The following PDIA5 variants were observed in gnomAD, a reference collection of about 807,000 sequenced individuals.
PDIA5 encodes protein disulfide-isomerase A5.
PDIA5 carries 58 observed loss-of-function variants against 77.6 expected under a neutral mutation model. The ratio of observed to expected loss-of-function variants is 0.75; its 90% CI spans 0.61 to 0.93. PDIA5 has a LOEUF of 0.93. PDIA5 is among the 40% of genes least tolerant of loss of function. PDIA5 has a pLI of 0.00. For synonymous variants in PDIA5, 250 were observed against 252.1 expected, an observed-to-expected ratio of 0.99 and a Z score of 0.08; for missense variants, 630 against 647.7, an observed-to-expected ratio of 0.97 and a Z score of 0.30.
rs1934995108 is a variant in PDIA5, at chr3:123,116,227, C to T, written c.542-4C>T. 1.9e-6 allele frequency: 3 copies of T among 1,613,684 alleles called. No homozygotes were observed. The highest frequency in any genetic ancestry group is 1.7e-6 in the Non-Finnish European group (2 of 1,179,660). On this transcript the variant is annotated splice_region_variant and splice_polypyrimidine_tract_variant and intron_variant, in intron 7 of 16. Transcript: ENST00000316218. ...GATGTGGTCTCTCTCCTGCCTGTGA[C>T]CAGGGTGCAGCATGTGCAAGAGGAT...
In PDIA5 at chr3:123,074,695, C is replaced by T. The variant is rs557736406; in HGVS notation, c.42+7489C>T. Among the ~76,000 whole-genome samples, 8 of 152,238 alleles carry T rather than the reference C, an allele frequency of 5.3e-5. No homozygotes were observed. In the East Asian group the frequency reaches 1.5e-3, roughly 29 times the overall value. On this transcript the variant is annotated intron_variant, in intron 1 of 16. Coordinates refer to ENST00000316218, the MANE Select transcript of PDIA5 (RefSeq NM_006810.4). Reference sequence around the variant, plus strand: ...GTCACAGACACTGCTACCCTAATTACTACTGTAATTTGTTATCTACATTCA... The same window carrying T: ...GTCACAGACACTGCTACCCTAATTATTACTGTAATTTGTTATCTACATTCA...
intron 14 of PDIA5, among the ~76,000 whole-genome samples, chr3:123,152,617 CA>C (rs1470575661): frequency 1.6e-4 from 24 of 152,234 alleles, no homozygotes; most frequent in African/African-American, 5.1e-4. Context: ...ATAGTAAAGT[CA>C]AATGCCTGAT....
chr3:123,134,169 G>A (rs1935436416), intron 11 of PDIA5, among the ~76,000 whole-genome samples: 1 of 152,102 alleles, frequency 6.6e-6, no homozygotes, highest in Admixed American at 6.5e-5. Context: ...GACTACAGGT[G>A]CACACCGCCA....
rs1174692027 is a variant in PDIA5, at chr3:123,151,995, G to GCCTTCCTT, written c.1273+1647_1273+1654dup. ...TTCCTGCCTTCCTTCCTGCCTTCCT[G>GCCTTCCTT]CCTTCCTTCCTTCCTTCCTTCCTGC... On this transcript the variant is annotated intron_variant, in intron 14 of 16. Transcript: ENST00000316218. 4.6e-3 allele frequency among the ~76,000 whole-genome samples: 300 copies of GCCTTCCTT among 65,704 alleles called. 23 individuals are homozygous for GCCTTCCTT. The highest frequency in any genetic ancestry group is 0.023 in the African/African-American group (255 of 11,152). The allele number at this position is 65,704 out of a possible 152,430, so 43.1% of individuals were successfully genotyped here.
At chr3:123,141,252 G>A (rs1348572587) in intron 11 of PDIA5, among the ~76,000 whole-genome samples, 2 of 152,152 alleles carry the variant, frequency 1.3e-5, no homozygotes, top group African/African-American at 4.8e-5. Context: ...GCCAGCAGCT[G>A]GCCTAACAGC....
At position 123,067,894 on chromosome 3, in the gene PDIA5, G is replaced by A. The variant is rs117265421; in HGVS notation, c.42+688G>A. On this transcript the variant is annotated intron_variant, in intron 1 of 16. Transcript: ENST00000316218. The stretch of plus-strand genomic sequence containing the variant: ...AAGGCAAAGCTACCCCCATAGGGTG[G>A]TTCTGAGAGTCGGATGAGGTCTCAG... 5.9e-5 allele frequency among the ~76,000 whole-genome samples: 9 copies of A among 152,364 alleles called. No homozygotes were observed. The East Asian group carries it at 1.5e-3, about 26-fold the overall frequency.
intron 5 of PDIA5, among the ~76,000 whole-genome samples, chr3:123,104,520 C>T (rs907909963): frequency 2.6e-5 from 4 of 152,242 alleles, no homozygotes; most frequent in African/African-American, 9.6e-5. Context: ...TTTTTGTCAA[C>T]CCGCATGGTT....
chr3:123,116,982 G>A (rs1052489705), intron 8 of PDIA5, among the ~76,000 whole-genome samples: 11 of 151,816 alleles, frequency 7.2e-5, no homozygotes, highest in African/African-American at 2.7e-4. Context: ...AGCTGGGATG[G>A]GGCGGGGAGG....
intron 5 of PDIA5, 128 bp from the exon 6 acceptor site, chr3:123,106,621 T>C: frequency 1.5e-6 from 1 of 684,396 alleles, no homozygotes; most frequent in Non-Finnish European, 2.6e-6. Flanking sequence ...TTATGCCACA[T>C]GCAGTCCTGA....
intron 6 of PDIA5, among the ~76,000 whole-genome samples, chr3:123,108,967 A>C (rs1934804465): frequency 6.6e-6 from 1 of 152,142 alleles, no homozygotes; most frequent in South Asian, 2.1e-4. Flanking sequence ...TGGAAATACA[A>C]ACAGCCTAAA....
intron 1 of PDIA5, among the ~76,000 whole-genome samples, chr3:123,072,615 AG>A (rs1024010488): frequency 1.3e-5 from 2 of 152,196 alleles, no homozygotes; most frequent in South Asian, 2.1e-4. Context: ...GATCCCAGGT[AG>A]GGGGGGTGGT....
chr3:123,073,703 A>T (rs936362267), intron 1 of PDIA5, among the ~76,000 whole-genome samples: 1 of 152,190 alleles, frequency 6.6e-6, no homozygotes. Context: ...TTCCATTCCT[A>T]GATGGTGTGA....
chr3:123,114,793 C>G (rs935982691), intron 7 of PDIA5, among the ~76,000 whole-genome samples: 1 of 152,194 alleles, frequency 6.6e-6, no homozygotes, highest in Non-Finnish European at 1.5e-5. Flanking sequence ...AGGGCAGATT[C>G]GGCGGGCTCG....
intron 11 of PDIA5, among the ~76,000 whole-genome samples, chr3:123,132,766 T>G (rs1296060189): frequency 2.0e-5 from 3 of 152,184 alleles, no homozygotes; most frequent in African/African-American, 7.2e-5. Flanking sequence ...CTTGCACCCC[T>G]GTCCCAGCCG....
At chr3:123,134,597 T>G (rs1935447699) in intron 11 of PDIA5, among the ~76,000 whole-genome samples, 1 of 152,226 alleles carries the variant, frequency 6.6e-6, no homozygotes, top group South Asian at 2.1e-4. Context: ...CCACCTCATC[T>G]GCCCCCATCT....
intron 5 of PDIA5, among the ~76,000 whole-genome samples, chr3:123,105,232 TGTTTTCACATGA>T (rs1934697481): frequency 6.6e-6 from 1 of 152,160 alleles, no homozygotes; most frequent in Admixed American, 6.5e-5. Context: ...TCAAAGTCAA[TGTTTTCACATGA>T]GTCTGGGGCT....
intron 2 of PDIA5, among the ~76,000 whole-genome samples, chr3:123,091,304 AGGC>A: frequency 6.6e-6 from 1 of 152,290 alleles, no homozygotes; most frequent in Middle Eastern, 3.4e-3. Flanking sequence ...CGATCTGCGG[AGGC>A]ACATAATTCA....
chr3:123,154,832 C>T, intron 14 of PDIA5, 139 bp from the exon 15 acceptor site: 1 of 683,948 alleles, frequency 1.5e-6, no homozygotes, highest in South Asian at 1.6e-5. Flanking sequence ...GCAAGGTTGA[C>T]AAAAGGACCC....
At chr3:123,160,158 G>C (rs1255235175) in intron 15 of PDIA5, among the ~76,000 whole-genome samples, 1 of 152,320 alleles carries the variant, frequency 6.6e-6, no homozygotes, top group Non-Finnish European at 1.5e-5. Flanking sequence ...CAGGGTTTCA[G>C]TGTGTGTTGC....
Sources: gnomAD v4.1 joint callset for allele counts (sites outside exome capture counted in the v4.1 genomes callset) on GRCh38, gnomAD v4.1.1 for gene constraint, MANE v1.5 for transcripts, NCBI Gene and HGNC (gene_info 2026-07-23, HGNC 2026-07-21) for gene names.